Variants in RBFOX1 observed in about 807,000 individuals in gnomAD.
RBFOX1 encodes RNA binding fox-1 homolog 1.
A neutral mutation model predicts 57.7 loss-of-function variants in RBFOX1; 8 were observed. The ratio of observed to expected loss-of-function variants is 0.14; its 90% confidence interval spans 0.08 to 0.25. The LOEUF (loss-of-function observed/expected upper bound fraction) is 0.25, where lower values mean the gene tolerates loss of function less well. RBFOX1 is among the 10% of genes least tolerant of loss of function. RBFOX1 has a pLI of 1.00. For synonymous variants in RBFOX1, 326 were observed against 222.4 expected (o/e 1.47, Z -4.15); for missense variants, 611 against 548.5 (o/e 1.11, Z -1.14).
intron 1 of RBFOX1, among the ~76,000 whole-genome samples, chr16:6,061,542 T>A (rs2095686519): frequency 6.6e-6 from 1 of 151,586 alleles, no homozygotes; most frequent in African/African-American, 2.4e-5. Flanking sequence ...TATAATGTAA[T>A]TATTAAATTA....
At chr16:6,706,396 G>A (rs1468766738) in intron 3 of RBFOX1, among the ~76,000 whole-genome samples, 1 of 152,168 alleles carries the variant, frequency 6.6e-6, no homozygotes, top group East Asian at 1.9e-4. Context: ...TGTCTCTTGG[G>A]GAATAATCAA....
At chr16:6,091,482 T>C (rs370755539) in intron 1 of RBFOX1, among the ~76,000 whole-genome samples, 1 of 152,200 alleles carries the variant, frequency 6.6e-6, no homozygotes, top group East Asian at 1.9e-4. Flanking sequence ...ATCTATTTTA[T>C]TGTCACTTTA....
At chr16:6,793,156 C>G (rs570371279) in intron 3 of RBFOX1, among the ~76,000 whole-genome samples, 1 of 152,136 alleles carries the variant, frequency 6.6e-6, no homozygotes, top group South Asian at 2.1e-4. Flanking sequence ...TTTTAAGAAC[C>G]CAGAAATTAA....
At chr16:7,119,552 C>G (rs1429494200) in intron 4 of RBFOX1, among the ~76,000 whole-genome samples, 2 of 151,872 alleles carry the variant, frequency 1.3e-5, no homozygotes, top group African/African-American at 2.4e-5. Context: ...ATATGTTTCA[C>G]TACATATCAA....
At position 5,981,773 on chromosome 16, in the gene RBFOX1, G is replaced by C. The variant is rs555276169; in HGVS notation, c.351+114438G>C. 2.6e-5 allele frequency among the ~76,000 whole-genome samples: 4 copies of C among 152,232 alleles called. No individual in the cohort carries two copies. The East Asian group carries it at 7.7e-4, about 29-fold the overall frequency. ...TGTGAGCCGCTGTGCCCGGCCGTGT[G>C]ATGTTTTAAAACGGTGGTCCTCAAC... On this transcript the variant is annotated intron_variant, in intron 4 of 19. Transcript: ENST00000641259.
chr16:6,625,884 G>A (rs2154051584), intron 2 of RBFOX1, among the ~76,000 whole-genome samples: 1 of 152,232 alleles, frequency 6.6e-6, no homozygotes, highest in East Asian at 1.9e-4. Flanking sequence ...TTCTTACATT[G>A]GCTCCAGGTA....
intron 1 of RBFOX1, among the ~76,000 whole-genome samples, chr16:5,452,199 A>G (rs934907844): frequency 4.2e-5 from 6 of 143,800 alleles, no homozygotes; most frequent in African/African-American, 1.6e-4. Flanking sequence ...GCTCACTGCA[A>G]CCTCTGCTTC....
At chr16:5,818,738 G>C (rs866423088) in intron 3 of RBFOX1, among the ~76,000 whole-genome samples, 3 of 152,194 alleles carry the variant, frequency 2.0e-5, no homozygotes, top group Admixed American at 6.5e-5. Context: ...GTATGATTAG[G>C]AGTGTTGCTG....
intron 4 of RBFOX1, among the ~76,000 whole-genome samples, chr16:7,183,429 C>T (rs182864447): frequency 6.2e-4 from 95 of 152,268 alleles, no homozygotes; most frequent in African/African-American, 1.5e-3. Context: ...GTATCCTGAA[C>T]GAAAGTGTTT....
chr16:7,330,508 GTTT>G (rs1568240288), intron 4 of RBFOX1, among the ~76,000 whole-genome samples: 2 of 79,354 alleles, frequency 2.5e-5, no homozygotes, highest in African/African-American at 6.2e-5. Flanking sequence ...GTGTGTGTGT[GTTT>G]GTGTGTGTGT....
chr16:6,011,478 C>G (rs1156298082), intron 4 of RBFOX1, among the ~76,000 whole-genome samples: 5 of 152,030 alleles, frequency 3.3e-5, no homozygotes, highest in Admixed American at 2.0e-4. Flanking sequence ...AGTTTGTAAG[C>G]TTTGAAAATT....
chr16:7,144,798 C>G (rs947404582), intron 4 of RBFOX1, among the ~76,000 whole-genome samples: 1 of 152,110 alleles, frequency 6.6e-6, no homozygotes, highest in Non-Finnish European at 1.5e-5. Flanking sequence ...AATAGCAAAT[C>G]AAGCTATGGA....
chr16:7,056,430 C>T (rs956380950), intron 4 of RBFOX1, among the ~76,000 whole-genome samples: 6 of 152,174 alleles, frequency 3.9e-5, no homozygotes, highest in Non-Finnish European at 7.3e-5. Context: ...TGTGCATTAA[C>T]CACTCCTGAT....
chr16:5,410,630 C>T (rs770522412), intron 1 of RBFOX1, among the ~76,000 whole-genome samples: 8 of 152,188 alleles, frequency 5.3e-5, no homozygotes, highest in Non-Finnish European at 8.8e-5. Flanking sequence ...ACACAGTCAG[C>T]CCAGTCTTAT....
intron 3 of RBFOX1, among the ~76,000 whole-genome samples, chr16:6,760,703 G>T (rs189969721): frequency 2.6e-5 from 4 of 152,276 alleles, no homozygotes; most frequent in African/African-American, 9.6e-5. Flanking sequence ...TTGTATTTAG[G>T]TTATAAAAAT....
intron 4 of RBFOX1, among the ~76,000 whole-genome samples, chr16:5,908,346 G>C (rs975107974): frequency 2.5e-5 from 2 of 80,638 alleles, no homozygotes; most frequent in East Asian, 6.3e-4. Flanking sequence ...GTGTGTGTGT[G>C]TGTGTGTCTG....
In RBFOX1 at chr16:7,654,796, G is replaced by A. The variant is rs569550710; in HGVS notation, c.890+849G>A. Among the ~76,000 whole-genome samples, 5 of 152,284 alleles carry A rather than the reference G, an allele frequency of 3.3e-5. No homozygotes were observed. The East Asian group carries it at 9.7e-4, about 29-fold the overall frequency. The stretch of plus-strand genomic sequence containing the variant: ...CCCTAGACCAGGGGACATTTGCAAG[G>A]TCTAGAGACATTTTTGGTTGTCACA... On this transcript the variant is annotated intron_variant, in intron 12 of 15. Transcript: ENST00000550418.
chr16:6,181,230 A>G (rs1567626486), intron 1 of RBFOX1, among the ~76,000 whole-genome samples: 1 of 152,162 alleles, frequency 6.6e-6, no homozygotes. Context: ...TCTACCTGAA[A>G]ACACATGAGC....
intron 1 of RBFOX1, among the ~76,000 whole-genome samples, chr16:5,453,100 C>G (rs1425369759): frequency 6.6e-6 from 1 of 152,130 alleles, no homozygotes; most frequent in Non-Finnish European, 1.5e-5. Flanking sequence ...TCTTTTCAGT[C>G]GATTGATCAG....
Sources: gnomAD v4.1 joint callset for allele counts (sites outside exome capture counted in the v4.1 genomes callset) on GRCh38, gnomAD v4.1.1 for gene constraint, MANE v1.5 for transcripts, NCBI Gene and HGNC (gene_info 2026-07-23, HGNC 2026-07-21) for gene names.